MTHFD1L: variants seen among roughly 807,000 people sequenced by gnomAD.
The protein encoded by MTHFD1L is monofunctional C1-tetrahydrofolate synthase, mitochondrial.
Under a neutral mutation model 119.5 loss-of-function variants are expected in MTHFD1L, and 81 were observed. The observed-to-expected ratio is 0.68, with a 90% CI of 0.57 to 0.82. The LOEUF is 0.82. MTHFD1L is among the 40% of genes least tolerant of loss of function. The pLI is 0.00. For synonymous variants in MTHFD1L, 430 were observed against 475.2 expected, an observed-to-expected ratio of 0.90 and a Z score of 1.24; for missense variants, 1,125 against 1,253.4, an observed-to-expected ratio of 0.90 and a Z score of 1.55.
At chr6:151,016,981 C>A (rs1332405063) in intron 24 of MTHFD1L, among the ~76,000 whole-genome samples, 1 of 151,170 alleles carries the variant, frequency 6.6e-6, no homozygotes, top group African/African-American at 2.4e-5. Context: ...CACCGTGTTG[C>A]CCGGGCTGGT....
At chr6:150,918,943 C>G (rs1384450917) in intron 9 of MTHFD1L, among the ~76,000 whole-genome samples, 3 of 152,040 alleles carry the variant, frequency 2.0e-5, no homozygotes, top group Non-Finnish European at 4.4e-5. Context: ...ACTGAAGCAA[C>G]AAGGCATTTA....
In MTHFD1L at chr6:150,959,163, T is replaced by C. The variant is rs1796076906; in HGVS notation, c.1804-1112T>C. ...AGTTGTATTTGACTTTCAGGTAATA[T>C]TTTTTCACTAAATCAGTGACTAATG... On this transcript the variant is annotated intron_variant, in intron 17 of 27. Transcript: ENST00000367321. The C allele has an allele frequency of 5.1e-6, 5 of 981,896 alleles. No homozygotes were observed. In the South Asian group the frequency reaches 2.4e-4, roughly 46 times the overall value. 60.8% of individuals were successfully genotyped at this position (981,896 alleles called of 1,614,324 possible). A position where few individuals can be genotyped will look rare whatever the true frequency, so the allele number is the denominator to read the frequency against.
intron 16 of MTHFD1L, among the ~76,000 whole-genome samples, chr6:150,951,523 G>C (rs528101379): frequency 4.7e-4 from 71 of 152,182 alleles, no homozygotes; most frequent in Non-Finnish European, 9.4e-4. Context: ...TATCCTACGA[G>C]TTTCATTCAT....
chr6:151,077,659 C>T (rs548897280), intron 26 of MTHFD1L, among the ~76,000 whole-genome samples: 5 of 151,710 alleles, frequency 3.3e-5, no homozygotes, highest in African/African-American at 4.8e-5. Flanking sequence ...CTAGCCTGGG[C>T]GGCAGAGTGA....
rs551560612 is a variant in MTHFD1L at position 150,914,723 on chromosome 6, G to A, written c.893-3854G>A. Among the ~76,000 whole-genome samples, 52 of 152,314 alleles carry A rather than the reference G, an allele frequency of 3.4e-4. No homozygotes were observed. The South Asian group carries it at 0.011, about 31-fold the overall frequency. Reference sequence around the variant, plus strand: ...ATAAAGTCACCTTACCTAGCTGCCGGTGGACAGCCTTTGGTGTTTCAAGGA... The same window carrying A: ...ATAAAGTCACCTTACCTAGCTGCCGATGGACAGCCTTTGGTGTTTCAAGGA... On this transcript the variant is annotated intron_variant, in intron 8 of 27. Transcript: ENST00000367321.
chr6:151,093,879 C>T (rs577326716), intron 27 of MTHFD1L, among the ~76,000 whole-genome samples: 4 of 152,276 alleles, frequency 2.6e-5, no homozygotes, highest in African/African-American at 7.2e-5. Context: ...TTGATGACTT[C>T]GGGTTTGCAC....
chr6:151,033,433 T>A (rs1785641235), intron 24 of MTHFD1L, among the ~76,000 whole-genome samples: 1 of 152,338 alleles, frequency 6.6e-6, no homozygotes, highest in African/African-American at 2.4e-5. Context: ...TATGCATCTT[T>A]ACCCACAGGA....
intron 7 of MTHFD1L, among the ~76,000 whole-genome samples, chr6:150,896,470 T>C (rs986977907): frequency 1.3e-5 from 2 of 151,912 alleles, no homozygotes; most frequent in African/African-American, 4.8e-5. Flanking sequence ...CTGCTGTGGG[T>C]GAGATGGAGA....
At position 150,950,182 on chromosome 6, in the gene MTHFD1L, T is replaced by C. The variant is rs149161262; in HGVS notation, c.1726+1049T>C. Among the ~76,000 whole-genome samples, 17 of 152,324 alleles carry C rather than the reference T, an allele frequency of 1.1e-4. No homozygotes were observed. In the East Asian group the frequency reaches 3.3e-3, roughly 29 times the overall value. On this transcript the variant is annotated intron_variant, in intron 16 of 27. Transcript: ENST00000367321. ...CAGTGGCTCCCCACATCCTGGGTGATACAGTTGCCATCGCAGAGCTTGGTC... is the reference window on the plus strand; with the variant it reads ...CAGTGGCTCCCCACATCCTGGGTGACACAGTTGCCATCGCAGAGCTTGGTC...
At chr6:150,991,875 G>C (rs949613394) in intron 20 of MTHFD1L, among the ~76,000 whole-genome samples, 2 of 152,216 alleles carry the variant, frequency 1.3e-5, no homozygotes, top group African/African-American at 4.8e-5. Context: ...ACTGAGGCGA[G>C]CCTTGAAGAA....
Position 151,090,486 on chromosome 6 carries a change from G to A in MTHFD1L, c.2848-1981G>A, listed in dbSNP as rs544988482. On this transcript the variant is annotated intron_variant, in intron 26 of 27. Transcript: ENST00000367321. The stretch of plus-strand genomic sequence containing the variant: ...AATATCTAACAGGCTCCCAGGTAAT[G>A]CCCATGCACAGGCCCACAGGCCCCA... 2.0e-5 allele frequency among the ~76,000 whole-genome samples: 3 copies of A among 152,358 alleles called. No homozygotes were observed. The East Asian group carries it at 5.8e-4, about 29-fold the overall frequency.
In MTHFD1L at chr6:151,015,529, G is replaced by A. The variant is rs1403489543; in HGVS notation, c.2422G>A (p.Ala808Thr). Residue 808 changes from alanine (A) to threonine (T), a missense_variant, in exon 24 of 28, where the codon GCT becomes ACT. This residue lies in a region of MTHFD1L where 1,058 missense variants were observed against 1,151.2 expected (regional missense o/e 0.92). Transcript: ENST00000367321. The stretch of plus-strand genomic sequence containing the variant: ...TTTCTTCACTAGGACCGACACCCGC[G>A]CTGAGATTGACTTGGTGTGTGAGCT... Reference protein sequence around the residue: ...ALNVFKTDTRAEIDLVCELAK... With the variant: ...ALNVFKTDTRTEIDLVCELAK... 5.6e-6 allele frequency: 9 copies of A among 1,612,100 alleles called. No individual in the cohort carries two copies. Among genetic ancestry groups the A allele is most frequent in the South Asian group, 3.3e-5 (3 of 90,698 alleles).
At chr6:151,040,736 A>G (rs567908605) in intron 26 of MTHFD1L, among the ~76,000 whole-genome samples, 2 of 152,204 alleles carry the variant, frequency 1.3e-5, no homozygotes, top group Admixed American at 6.5e-5. Context: ...AATAAAAAAC[A>G]CAATATAATT....
At chr6:151,029,980 A>G (rs979226930) in intron 24 of MTHFD1L, among the ~76,000 whole-genome samples, 4 of 152,326 alleles carry the variant, frequency 2.6e-5, no homozygotes, top group African/African-American at 7.2e-5. Context: ...TAAATGTGTT[A>G]TGAGTAACAG....
intron 26 of MTHFD1L, among the ~76,000 whole-genome samples, chr6:151,067,648 G>A (rs529967608): frequency 6.6e-6 from 1 of 152,328 alleles, no homozygotes; most frequent in South Asian, 2.1e-4. Context: ...ATCACAATTT[G>A]TGTTACGTTC....
intron 26 of MTHFD1L, among the ~76,000 whole-genome samples, chr6:151,049,923 T>C (rs1788754817): frequency 6.6e-6 from 1 of 152,138 alleles, no homozygotes; most frequent in South Asian, 2.1e-4. Flanking sequence ...CCATTTCTGA[T>C]TGTGAGTCTT....
At chr6:151,015,357 A>G (rs1252247143) in intron 23 of MTHFD1L, among the ~76,000 whole-genome samples, 159 bp from the exon 24 acceptor site, 1 of 151,470 alleles carries the variant, frequency 6.6e-6, no homozygotes, top group Non-Finnish European at 1.5e-5. Flanking sequence ...TTTTTTTTCC[A>G]TGCTTTAAGT....
intron 26 of MTHFD1L, among the ~76,000 whole-genome samples, chr6:151,090,001 C>T (rs368235906): frequency 2.4e-4 from 36 of 152,320 alleles, no homozygotes; most frequent in African/African-American, 7.0e-4. Flanking sequence ...GTGTTATGAA[C>T]GGCAGCTGTA....
intron 26 of MTHFD1L, among the ~76,000 whole-genome samples, chr6:151,044,458 C>T (rs1270703550): frequency 2.6e-5 from 4 of 151,904 alleles, no homozygotes; most frequent in Admixed American, 6.6e-5. Flanking sequence ...GCCGCCACTA[C>T]GCCCCGCTAG....
Sources: gnomAD v4.1 joint callset for allele counts (sites outside exome capture counted in the v4.1 genomes callset) on GRCh38, gnomAD v4.1.1 for gene constraint, gnomAD v4.1.1 regional missense constraint, MANE v1.5 for transcripts, NCBI Gene and HGNC (gene_info 2026-07-23, HGNC 2026-07-21) for gene names.